The following CCDC169 variants were observed in gnomAD, a reference collection of about 807,000 sequenced individuals.
CCDC169 encodes coiled-coil domain-containing protein 169.
CCDC169 carries 30 observed loss-of-function variants against 36.0 expected under a neutral mutation model. The observed-to-expected ratio is 0.83, with a 90% CI of 0.62 to 1.13. CCDC169 has a LOEUF of 1.13. Ranked by LOEUF, CCDC169 falls within the 50% of genes most tolerant of loss-of-function variation. The probability of loss-of-function intolerance (pLI) is 0.00; values close to 1 mark genes in which losing one functional copy is unlikely to be tolerated. For synonymous variants in CCDC169, 85 were observed against 81.5 expected (o/e 1.04, Z -0.23); for missense variants, 245 against 245.9 (o/e 1.00, Z 0.03).
chr13:36,241,574 T>A (rs1329265590), intron 7 of CCDC169, among the ~76,000 whole-genome samples: 2 of 152,188 alleles, frequency 1.3e-5, no homozygotes. Context: ...TTATAGTTTG[T>A]TTTTATTGCT....
rs1392370066 is a variant in CCDC169, at chr13:36,257,501, C to T, written c.316-3358G>A. On this transcript the variant is annotated intron_variant, in intron 4 of 7. Coordinates refer to ENST00000239859, the MANE Select transcript of CCDC169 (RefSeq NM_001144981.3). ...CAGGCAGATCACGAGGTCAAGAGAT[C>T]GAGACATCCTGGCCAATATGGTGAA... Among the ~76,000 whole-genome samples the T allele has an allele frequency of 0.039, 8 of 204 alleles. No homozygotes were observed. In the South Asian group the frequency reaches 0.4, roughly 10 times the overall value. The allele number at this position is 204 out of a possible 152,430, so 0.1% of individuals were successfully genotyped here. A position where few individuals can be genotyped will look rare whatever the true frequency, so the allele number is the denominator to read the frequency against.
intron 4 of CCDC169, among the ~76,000 whole-genome samples, chr13:36,256,090 G>T (rs1873843303): frequency 6.6e-6 from 1 of 152,180 alleles, no homozygotes; most frequent in Non-Finnish European, 1.5e-5. Flanking sequence ...TTTCTTGGCT[G>T]GGCAGCTGTG....
chr13:36,285,648 T>C (rs1566089188), intron 2 of CCDC169, among the ~76,000 whole-genome samples: 1 of 152,192 alleles, frequency 6.6e-6, no homozygotes, highest in Non-Finnish European at 1.5e-5. Flanking sequence ...CATAGATACA[T>C]AGATAGATAG....
downstream of CCDC169, chr13:36,223,527 C>T (rs1421203688): frequency 6.6e-6 from 1 of 152,004 alleles, no homozygotes; most frequent in African/African-American, 2.4e-5. Context: ...AAAATAATGC[C>T]CTACTGTCAA....
chr13:36,248,651 T>G lies in CCDC169; in HGVS notation c.500A>C (p.Gln167Pro). 6.4e-7 allele frequency: 1 copy of G among 1,550,676 alleles called. No individual in the cohort carries two copies. Among genetic ancestry groups the G allele is most frequent in the Non-Finnish European group, 8.7e-7 (1 of 1,146,346 alleles). Residue 167 changes from glutamine to proline, a missense_variant, in exon 7 of 8, where the codon CAA becomes CCA. Transcript: ENST00000239859. ...GSGLHQVSKRQQVDQLPRMQE... is the reference protein window; with the variant it reads ...GSGLHQVSKRPQVDQLPRMQE... ...CATCCTAGGCAGTTGATCCACCTGT[T>G]GCCTTTTAGAAACTTGATGTAAACC...
intron 7 of CCDC169, among the ~76,000 whole-genome samples, chr13:36,244,765 C>A (rs1872290890): frequency 9.3e-6 from 1 of 107,422 alleles, no homozygotes; most frequent in Non-Finnish European, 1.9e-5. Flanking sequence ...TCTAGTGCAT[C>A]ATTGAATATG....
At chr13:36,286,120 G>A (rs1878224391) in intron 2 of CCDC169, among the ~76,000 whole-genome samples, 1 of 152,172 alleles carries the variant, frequency 6.6e-6, no homozygotes, top group South Asian at 2.1e-4. Context: ...GGGGCATAGG[G>A]CCACCTGTGA....
chr13:36,279,778 T>C (rs932579286), intron 4 of CCDC169, among the ~76,000 whole-genome samples: 7 of 152,208 alleles, frequency 4.6e-5, no homozygotes, highest in African/African-American at 1.2e-4. Flanking sequence ...GCTCCCTTTA[T>C]ACTACAGCAG....
At chr13:36,276,470 T>C (rs1257997347) in intron 4 of CCDC169, among the ~76,000 whole-genome samples, 1 of 152,192 alleles carries the variant, frequency 6.6e-6, no homozygotes, top group Non-Finnish European at 1.5e-5. Flanking sequence ...GAGATGAGAT[T>C]AAGTATTTTC....
intron 4 of CCDC169, among the ~76,000 whole-genome samples, chr13:36,264,068 G>A (rs1874951266): frequency 1.3e-5 from 2 of 152,072 alleles, no homozygotes; most frequent in South Asian, 4.1e-4. Context: ...TGTATTCTAA[G>A]TTCTAAAAGA....
intron 6 of CCDC169, among the ~76,000 whole-genome samples, chr13:36,250,976 C>T (rs895282769): frequency 3.3e-5 from 5 of 152,172 alleles, no homozygotes; most frequent in South Asian, 2.1e-4. Context: ...CCTATGTTTA[C>T]AAAGATAGAA....
chr13:36,260,603 C>A (rs1284640900), intron 4 of CCDC169, among the ~76,000 whole-genome samples: 3 of 152,014 alleles, frequency 2.0e-5, no homozygotes, highest in Non-Finnish European at 4.4e-5. Context: ...TATGGAAACC[C>A]TTATGTAAAA....
At chr13:36,287,673 TAAATA>T (rs1415963879) in intron 2 of CCDC169, among the ~76,000 whole-genome samples, 2 of 152,232 alleles carry the variant, frequency 1.3e-5, no homozygotes, top group African/African-American at 2.4e-5. Context: ...GAATTTTTAA[TAAATA>T]AAAGTGGTTT....
chr13:36,235,630 C>CA (rs1334473686), intron 7 of CCDC169, among the ~76,000 whole-genome samples: 3 of 149,900 alleles, frequency 2.0e-5, no homozygotes, highest in African/African-American at 7.4e-5. Context: ...CCAGCCAGGG[C>CA]AATTAGGCAA....
intron 7 of CCDC169, among the ~76,000 whole-genome samples, chr13:36,234,287 C>A (rs1050332268): frequency 2.0e-5 from 3 of 152,102 alleles, no homozygotes; most frequent in African/African-American, 4.8e-5. Context: ...TAGCAAACTT[C>A]AGGGGCGAAG....
At chr13:36,241,333 C>A (rs1293446956) in intron 7 of CCDC169, among the ~76,000 whole-genome samples, 1 of 152,154 alleles carries the variant, frequency 6.6e-6, no homozygotes, top group Non-Finnish European at 1.5e-5. Context: ...GTAACCACAA[C>A]TTAGGTCAAG....
downstream of CCDC169, chr13:36,225,257 T>C (rs1054490800): frequency 5.9e-5 from 9 of 151,866 alleles, no homozygotes; most frequent in African/African-American, 2.2e-4. Flanking sequence ...TAGCCTTAAG[T>C]GTAGTGGCAT....
At chr13:36,240,176 ATTAG>A in intron 7 of CCDC169, among the ~76,000 whole-genome samples, 2 of 152,134 alleles carry the variant, frequency 1.3e-5, no homozygotes, top group Middle Eastern at 6.8e-3. Flanking sequence ...ACTGTACTGT[ATTAG>A]TTACACAGTA....
At chr13:36,257,533 T>C (rs1290347682) in intron 4 of CCDC169, among the ~76,000 whole-genome samples, 1 of 151,962 alleles carries the variant, frequency 6.6e-6, no homozygotes, top group Admixed American at 6.6e-5. Context: ...TGAAACCCCG[T>C]CTGTACTAAA....
Sources: allele counts gnomAD v4.1 joint callset (sites outside exome capture counted in the v4.1 genomes callset), GRCh38; gene constraint gnomAD v4.1.1; transcripts MANE v1.5; gene names NCBI Gene and HGNC (gene_info 2026-07-23, HGNC 2026-07-21).